Variants in PDE8B observed in about 807,000 individuals in gnomAD.
The protein encoded by PDE8B is high affinity cAMP-specific and IBMX-insensitive 3',5'-cyclic phosphodiesterase 8B.
A neutral mutation model predicts 101.3 loss-of-function variants in PDE8B; 26 were observed. That is an observed-to-expected ratio of 0.26 (90% CI 0.19 to 0.36). The LOEUF (loss-of-function observed/expected upper bound fraction) is 0.36, where lower values mean the gene tolerates loss of function less well. Ranked by LOEUF, PDE8B falls within the 10% of genes least tolerant of loss-of-function variation. The probability of loss-of-function intolerance (pLI) is 1.00; values close to 1 mark genes in which losing one functional copy is unlikely to be tolerated. For synonymous variants in PDE8B, 424 were observed against 429.3 expected, an observed-to-expected ratio of 0.99 and a Z score of 0.15; for missense variants, 810 against 1,163.1, an observed-to-expected ratio of 0.70 and a Z score of 4.42.
At chr5:77,314,683 A>G (rs1773409442) in intron 2 of PDE8B, among the ~76,000 whole-genome samples, 1 of 152,102 alleles carries the variant, frequency 6.6e-6, no homozygotes, top group Non-Finnish European at 1.5e-5. Flanking sequence ...GGCCCAGTCT[A>G]GATGCTTTTT....
chr5:77,291,362 C>G, intron 1 of PDE8B: 1 of 1,612,110 alleles, frequency 6.2e-7, no homozygotes. Context: ...AAGAAGGTAG[C>G]ACAGTGGTCT....
chr5:77,296,264 T>C (rs1189639773), intron 1 of PDE8B, among the ~76,000 whole-genome samples: 1 of 151,156 alleles, frequency 6.6e-6, no homozygotes, highest in Non-Finnish European at 1.5e-5. Flanking sequence ...TTCTCCTTCT[T>C]CTTCTTTCTT....
rs919246511 is a variant in PDE8B, at chr5:77,211,346, GT to G, written c.339+84del. ...CGCACGGGTAGGGGGCTCCGGCGGA[GT>G]TGGGTGACCGTGAGGCGGTTGGTTT... is the stretch of plus-strand genomic sequence containing the variant. On this transcript the variant is annotated intron_variant, in intron 1 of 21. Coordinates refer to ENST00000264917, the MANE Select transcript of PDE8B (RefSeq NM_003719.5). The surrounding 1 kb of genome is among the most constrained non-coding windows in gnomAD (Gnocchi z 4.1). 5.6e-5 allele frequency: 75 copies of G among 1,348,006 alleles called. No individual in the cohort carries two copies. In the African/African-American group the frequency reaches 8.0e-4, roughly 14 times the overall value. The allele number at this position is 1,348,006 out of a possible 1,614,324, so 83.5% of individuals were successfully genotyped here.
Position 77,330,150 on chromosome 5 carries a change from C to A in PDE8B, c.650+1093C>A, listed in dbSNP as rs114740662. Among the ~76,000 whole-genome samples, 784 of 152,264 alleles carry A rather than the reference C, an allele frequency of 5.1e-3. 7 individuals are homozygous for A. The highest frequency in any genetic ancestry group is 0.018 in the African/African-American group (764 of 41,540). ...GAGACATAAGATCAGCATCCTTCAG[C>A]CCTCTTTTTTACATTTATCTTCTGG... is the stretch of plus-strand genomic sequence containing the variant. On this transcript the variant is annotated intron_variant, in intron 4 of 21. Transcript: ENST00000264917.
Position 77,398,827 on chromosome 5 carries a change from A to G in PDE8B, c.1168-1421A>G, listed in dbSNP as rs149101050. ...TGAAGTGTGAGCCACACCATTCCAC[A>G]TAGAAGTGGCTGCCCACCACAAGAT... On this transcript the variant is annotated intron_variant, in intron 10 of 21. Coordinates refer to ENST00000264917, the MANE Select transcript of PDE8B (RefSeq NM_003719.5). Among the ~76,000 whole-genome samples the G allele has an allele frequency of 1.3e-3, 197 of 152,334 alleles. 1 individual carries two copies. Among genetic ancestry groups the G allele is most frequent in the African/African-American group, 4.4e-3 (181 of 41,586 alleles).
At chr5:77,357,183 G>A (rs1295580631) in intron 10 of PDE8B, among the ~76,000 whole-genome samples, 1 of 152,164 alleles carries the variant, frequency 6.6e-6, no homozygotes, top group Non-Finnish European at 1.5e-5. Flanking sequence ...CCTACTGAGT[G>A]TACTCAGGCA....
At chr5:77,324,523 G>A (rs1561527839) in intron 2 of PDE8B, among the ~76,000 whole-genome samples, 1 of 152,162 alleles carries the variant, frequency 6.6e-6, no homozygotes, top group Non-Finnish European at 1.5e-5. Context: ...GGATGTTGAG[G>A]GGGAAACTGT....
chr5:77,278,106 T>C (rs1371797105), intron 1 of PDE8B, among the ~76,000 whole-genome samples: 1 of 152,174 alleles, frequency 6.6e-6, no homozygotes, highest in Non-Finnish European at 1.5e-5. Context: ...GCTGGGTCTT[T>C]ATAATTCTCA....
At chr5:77,384,207 G>A (rs543989694) in intron 10 of PDE8B, among the ~76,000 whole-genome samples, 1 of 152,220 alleles carries the variant, frequency 6.6e-6, no homozygotes, top group Admixed American at 6.5e-5. Context: ...CACATCCCTT[G>A]TAAGTTGTAT....
At chr5:77,161,957 A>G in the PDE8B span, among the ~76,000 whole-genome samples, 14 of 151,034 alleles carry the variant, frequency 9.3e-5, no homozygotes, top group Admixed American at 7.3e-4. Flanking sequence ...GATCTTGTTT[A>G]ATTTTTTTTC....
chr5:77,266,233 A>G lies in PDE8B; in HGVS notation c.340-45761A>G, dbSNP rs1761685417. On this transcript the variant is annotated intron_variant, in intron 1 of 21. Transcript: ENST00000264917. ...CATTTGTGGATATGTGAAAGTGGTAAAAAAAATTTGAATCCTCCTATGTGA... is the reference window on the plus strand; with the variant it reads ...CATTTGTGGATATGTGAAAGTGGTAGAAAAAATTTGAATCCTCCTATGTGA... 2.0e-5 allele frequency among the ~76,000 whole-genome samples: 3 copies of G among 152,228 alleles called. No homozygotes were observed. In the South Asian group the frequency reaches 6.2e-4, roughly 32 times the overall value.
At chr5:77,155,787 G>T in the PDE8B span, among the ~76,000 whole-genome samples, 2 of 152,110 alleles carry the variant, frequency 1.3e-5, no homozygotes, top group African/African-American at 4.8e-5. Flanking sequence ...GTTTGACTCT[G>T]GTATCAGGGG....
At position 77,353,409 on chromosome 5, in the gene PDE8B, A is replaced by T; in HGVS notation, c.1167+3A>T. ...GTACCACTGACAATAATAAGCAGGT[A>T]TGGTATTAGCTCACTTCGTTTGCTC... On this transcript the variant is annotated splice_donor_region_variant and intron_variant, in intron 10 of 21. Transcript: ENST00000264917. The T allele has an allele frequency of 6.3e-7, 1 of 1,579,938 alleles. No individual in the cohort carries two copies. The highest frequency in any genetic ancestry group is 8.7e-7 in the Non-Finnish European group (1 of 1,148,844).
the PDE8B span, among the ~76,000 whole-genome samples, chr5:77,149,819 T>C: frequency 3.9e-5 from 6 of 152,230 alleles, no homozygotes; most frequent in Non-Finnish European, 7.3e-5. Flanking sequence ...TTTTAATTCT[T>C]CCTTTACTCT....
At chr5:77,370,591 A>C (rs926664222) in intron 10 of PDE8B, among the ~76,000 whole-genome samples, 2 of 152,186 alleles carry the variant, frequency 1.3e-5, no homozygotes, top group Admixed American at 1.3e-4. Flanking sequence ...GCCAGTCTTG[A>C]GCTATTATGA....
intron 1 of PDE8B, among the ~76,000 whole-genome samples, chr5:77,255,157 T>G (rs1456232218): frequency 6.6e-6 from 1 of 152,200 alleles, no homozygotes; most frequent in Non-Finnish European, 1.5e-5. Flanking sequence ...GTTCTCAGTA[T>G]TTCCACACTT....
At chr5:77,317,680 G>A (rs1232553900) in intron 2 of PDE8B, among the ~76,000 whole-genome samples, 1 of 152,118 alleles carries the variant, frequency 6.6e-6, no homozygotes, top group African/African-American at 2.4e-5. Flanking sequence ...AAATCAAGTG[G>A]CCTTTTCTTC....
At chr5:77,094,429 C>G in the PDE8B span, among the ~76,000 whole-genome samples, 1 of 152,132 alleles carries the variant, frequency 6.6e-6, no homozygotes, top group Admixed American at 6.5e-5. Flanking sequence ...CCCACTTCAG[C>G]CTCCCAAGTA....
intron 1 of PDE8B, among the ~76,000 whole-genome samples, chr5:77,222,787 G>A (rs568014719): frequency 6.6e-6 from 1 of 152,300 alleles, no homozygotes; most frequent in East Asian, 1.9e-4. Flanking sequence ...TAAGTCAGCT[G>A]AAGACTGTAA....
Sources: allele counts gnomAD v4.1 joint callset (sites outside exome capture counted in the v4.1 genomes callset), GRCh38; gene constraint gnomAD v4.1.1; non-coding constraint Gnocchi (gnomAD v3.1); transcripts MANE v1.5; gene names NCBI Gene and HGNC (gene_info 2026-07-23, HGNC 2026-07-21).